Variants in AKAP8 observed in about 807,000 individuals in gnomAD.
The protein encoded by AKAP8 is A-kinase anchor protein 8.
A neutral mutation model predicts 67.5 loss-of-function variants in AKAP8; 24 were observed. The ratio of observed to expected loss-of-function variants is 0.36; its 90% CI spans 0.26 to 0.50. The LOEUF is 0.50. AKAP8 is among the 20% of genes least tolerant of loss of function. The pLI, the probability that AKAP8 is intolerant of heterozygous loss-of-function variation, is 0.97. For missense variants in AKAP8, 971 were observed against 955.9 expected (o/e 1.02, Z -0.21); for synonymous variants, 400 against 371.1 (o/e 1.08, Z -0.90).
Position 15,361,774 on chromosome 19 carries a change from A to T in AKAP8, c.1351T>A (p.Leu451Met). 1.9e-6 allele frequency: 3 copies of T among 1,614,070 alleles called. No homozygotes were observed. Among genetic ancestry groups the T allele is most frequent in the Non-Finnish European group, 2.5e-6 (3 of 1,179,974 alleles). ...NKKIEKRRQE[L>M]MEKETAKPKP... ...GGTTTTGCGGTTTCTTTCTCCATCA[A>T]TTCCTGACGCCGCTTCTCAATTTTC... Residue 451 changes from leucine (L) to methionine (M), a missense_variant, in exon 11 of 14, where the codon TTG becomes ATG. Leu to Met is a conservative substitution (Grantham distance 15). This residue lies in a region of AKAP8 where 763 missense variants were observed against 745.4 expected (regional missense o/e 1.02). Coordinates refer to ENST00000269701, the MANE Select transcript of AKAP8 (RefSeq NM_005858.4).
At position 15,361,774 on chromosome 19, in the gene AKAP8, A is replaced by G. The variant is rs144374819; in HGVS notation, c.1351T>C (p.Leu451=). Residue 451 remains leucine (L), a synonymous_variant, in exon 11 of 14, where the codon TTG becomes CTG. Coordinates refer to ENST00000269701, the MANE Select transcript of AKAP8 (RefSeq NM_005858.4). The part of the protein sequence containing the change: ...NKKIEKRRQE[L]MEKETAKPKP... ...GGTTTTGCGGTTTCTTTCTCCATCA[A>G]TTCCTGACGCCGCTTCTCAATTTTC... 1.4e-5 allele frequency: 22 copies of G among 1,613,952 alleles called. No individual in the cohort carries two copies. Among genetic ancestry groups the G allele is most frequent in the South Asian group, 8.8e-5 (8 of 91,086 alleles).
chr19:15,372,817 G>A (rs770308505), intron 5 of AKAP8, 34 bp downstream of exon 5: 40 of 1,478,400 alleles, frequency 2.7e-5, no homozygotes, highest in South Asian at 1.3e-4. Context: ...AAAGAGAAGC[G>A]AAGGCGGCCG....
At chr19:15,379,453 A>G (rs892476034) in intron 1 of AKAP8, 2 of 456,706 alleles carry the variant, frequency 4.4e-6, no homozygotes, top group African/African-American at 2.1e-5. Context: ...GCCCCCACGA[A>G]GCCCACCGCG....
chr19:15,362,239 G>C lies in AKAP8; in HGVS notation c.1173C>G (p.Ala391=), dbSNP rs61755984. The part of the protein sequence containing the change: ...RDRAADRIQF[A]CSVCKFRSFD... Reference sequence around the variant, plus strand: ...AGCTACGGAACTTGCATACAGAACAGGCAAACTGAATTCTGTAGAAGGAAA... The same window carrying C: ...AGCTACGGAACTTGCATACAGAACACGCAAACTGAATTCTGTAGAAGGAAA... The change falls in exon 10 of 14, where the codon GCC becomes GCG. Residue 391 remains alanine (A), a synonymous_variant. Coordinates refer to ENST00000269701, the MANE Select transcript of AKAP8 (RefSeq NM_005858.4). 1.9e-5 allele frequency: 30 copies of C among 1,614,076 alleles called. No individual in the cohort carries two copies. The highest frequency in any genetic ancestry group is 2.5e-5 in the Non-Finnish European group (29 of 1,180,002).
At chr19:15,356,964 CTT>C (rs1411428419) in intron 13 of AKAP8, among the ~76,000 whole-genome samples, 5 of 151,940 alleles carry the variant, frequency 3.3e-5, no homozygotes, top group Non-Finnish European at 5.9e-5. Flanking sequence ...CCCCATCTCT[CTT>C]TTCTTTTTTT....
chr19:15,355,851 C>A (rs1156419385), intron 13 of AKAP8, among the ~76,000 whole-genome samples: 1 of 152,002 alleles, frequency 6.6e-6, no homozygotes, highest in African/African-American at 2.4e-5. Flanking sequence ...ATTCTCCTGC[C>A]TCAGCCTCCT....
At position 15,355,270 on chromosome 19, in the gene AKAP8, G is replaced by C; in HGVS notation, c.1724C>G (p.Ala575Gly). The C allele has an allele frequency of 1.2e-6, 2 of 1,612,992 alleles. No individual in the cohort carries two copies. Among genetic ancestry groups the C allele is most frequent in the South Asian group, 1.1e-5 (1 of 91,084 alleles). ...DKKETPEEVA[A>G]DVLAEVITAA... ...TGTAATCACCTCTGCTAAGACGTCC[G>C]CGGCCACCTCCTCAGGTGTCTCTTT... Residue 575 changes from alanine to glycine, a missense_variant, in exon 14 of 14, where the codon GCG (alanine) becomes GGG (glycine). Coordinates refer to ENST00000269701, the MANE Select transcript of AKAP8 (RefSeq NM_005858.4).
At chr19:15,368,912 GA>G in intron 8 of AKAP8, 1 of 985,252 alleles carries the variant, frequency 1.0e-6, no homozygotes, top group Non-Finnish European at 1.2e-6. Flanking sequence ...AGCAATCCTA[GA>G]AAAAAATTTG....
In AKAP8 at chr19:15,374,781, C is replaced by T. The variant is rs113063735; in HGVS notation, c.59-146G>A. 4.4e-4 allele frequency: 369 copies of T among 830,092 alleles called. 1 individual carries two copies. In the African/African-American group the frequency reaches 5.6e-3, roughly 13 times the overall value. 51.4% of individuals were successfully genotyped at this position (830,092 alleles called of 1,614,324 possible). On this transcript the variant is annotated intron_variant, in intron 2 of 13. Coordinates refer to ENST00000269701, the MANE Select transcript of AKAP8 (RefSeq NM_005858.4). Reference sequence around the variant, plus strand: ...GGGAGACACCCTTGGGTGTTTTTAGCTCACTCAACTCCTACAGAGCACTAG... The same window carrying T: ...GGGAGACACCCTTGGGTGTTTTTAGTTCACTCAACTCCTACAGAGCACTAG...
At chr19:15,364,159 T>TTTTTTCC (rs1967031908) in intron 9 of AKAP8, among the ~76,000 whole-genome samples, 2 of 10,856 alleles carry the variant, frequency 1.8e-4, no homozygotes, top group Non-Finnish European at 3.7e-4. Flanking sequence ...TTTTCTTTCC[T>TTTTTTCC]TTTTTTTTTT....
At chr19:15,367,601 A>G (rs908991770) in intron 9 of AKAP8, among the ~76,000 whole-genome samples, 1 of 152,222 alleles carries the variant, frequency 6.6e-6, no homozygotes, top group Non-Finnish European at 1.5e-5. Context: ...GCATCACATG[A>G]TCACTGGTGA....
In AKAP8 at chr19:15,373,764, G is replaced by T. The variant is rs376625350; in HGVS notation, c.371+22C>A. 8.2e-6 allele frequency: 13 copies of T among 1,594,228 alleles called. No homozygotes were observed. The Admixed American group carries it at 1.3e-4, about 16-fold the overall frequency. On this transcript the variant is annotated intron_variant, in intron 4 of 13. Transcript: ENST00000269701. ...GGTGGGGATGTGTGGGGTCCCGGGG[G>T]AGGGCTTGGGTCCATAATCACCTCT...
intron 2 of AKAP8, among the ~76,000 whole-genome samples, chr19:15,376,343 T>C (rs955346310): frequency 1.3e-5 from 2 of 152,128 alleles, no homozygotes; most frequent in African/African-American, 4.8e-5. Context: ...GGTAAAACCC[T>C]GTCTCTACTA....
intron 7 of AKAP8, 50 bp downstream of exon 7, chr19:15,371,902 G>C: frequency 6.3e-7 from 1 of 1,597,816 alleles, no homozygotes; most frequent in Non-Finnish European, 8.6e-7. Flanking sequence ...GGTGATTAAA[G>C]AAAGAAGAAA....
chr19:15,362,070 T>C (rs765697261), intron 10 of AKAP8, 40 bp downstream of exon 10: 10 of 1,608,098 alleles, frequency 6.2e-6, no homozygotes, highest in South Asian at 2.2e-5. Flanking sequence ...ACCTGCGGGA[T>C]GGGCAAGAGA....
chr19:15,373,592 G>A (rs923668335), intron 4 of AKAP8, 194 bp downstream of exon 4: 38 of 922,650 alleles, frequency 4.1e-5, no homozygotes, highest in African/African-American at 4.0e-4. Context: ...CAACAACCAC[G>A]CCCAAGCCCC....
At chr19:15,357,906 T>G (rs1966906042) in intron 13 of AKAP8, among the ~76,000 whole-genome samples, 1 of 151,768 alleles carries the variant, frequency 6.6e-6, no homozygotes, top group Non-Finnish European at 1.5e-5. Context: ...GGTCTTGAAC[T>G]CCTGAACTCA....
intron 2 of AKAP8, among the ~76,000 whole-genome samples, chr19:15,375,928 G>T (rs1193252571): frequency 6.7e-6 from 1 of 150,130 alleles, no homozygotes; most frequent in Admixed American, 6.6e-5. Flanking sequence ...GTGAGCCACC[G>T]TGCCTGGCCT....
rs549491311 is a variant in AKAP8 at position 15,368,446 on chromosome 19, C to T, written c.1073-124G>A. 178 of 1,568,484 alleles carry T rather than the reference C, an allele frequency of 1.1e-4. 2 individuals are homozygous for T. In the Admixed American group the frequency reaches 2.5e-3, roughly 22 times the overall value. The stretch of plus-strand genomic sequence containing the variant: ...GTGCCCTGCCACTGCCTGCACCACG[C>T]GGCAGGGTCCAGGATGCCCCAAGGC... On this transcript the variant is annotated intron_variant, in intron 8 of 13. Coordinates refer to ENST00000269701, the MANE Select transcript of AKAP8 (RefSeq NM_005858.4).
Sources: allele counts gnomAD v4.1 joint callset (sites outside exome capture counted in the v4.1 genomes callset), GRCh38; gene constraint gnomAD v4.1.1; regional missense constraint gnomAD v4.1.1; transcripts MANE v1.5; gene names NCBI Gene and HGNC (gene_info 2026-07-23, HGNC 2026-07-21).